Variants in MUCL1 observed in about 807,000 individuals in gnomAD.
MUCL1 encodes mucin like 1.
Under a neutral mutation model 9.2 loss-of-function variants are expected in MUCL1, and 11 were observed. That is an observed-to-expected ratio of 1.19 (90% CI 0.75 to 1.97). The LOEUF (loss-of-function observed/expected upper bound fraction) is 1.97. MUCL1 is among the 30% of genes most tolerant of loss of function. The probability of loss-of-function intolerance (pLI) is 0.00; values close to 1 mark genes in which losing one functional copy is unlikely to be tolerated. For synonymous variants in MUCL1, 48 were observed against 40.5 expected (o/e 1.19, Z -0.71); for missense variants, 144 against 110.9 (o/e 1.30, Z -1.34).
At chr12:54,845,337 C>T (rs1042194249) in intron 1 of MUCL1, among the ~76,000 whole-genome samples, 1 of 152,082 alleles carries the variant, frequency 6.6e-6, no homozygotes, top group South Asian at 2.1e-4. Flanking sequence ...GGCAAGGAGA[C>T]AGGAGGTAAC....
chr12:54,835,503 G>T (rs1034997118), upstream of MUCL1, among the ~76,000 whole-genome samples: 4 of 151,852 alleles, frequency 2.6e-5, no homozygotes, highest in Admixed American at 2.0e-4. Flanking sequence ...TTTCCCTGAT[G>T]ATTAGCAATG....
upstream of MUCL1, among the ~76,000 whole-genome samples, chr12:54,835,795 G>A (rs1008213659): frequency 6.6e-6 from 1 of 151,936 alleles, no homozygotes; most frequent in African/African-American, 2.4e-5. Context: ...AAGGGGCAAT[G>A]GATTTGATTG....
intron 1 of MUCL1, among the ~76,000 whole-genome samples, chr12:54,841,530 C>T (rs1959211847): frequency 1.3e-5 from 2 of 152,126 alleles, no homozygotes; most frequent in African/African-American, 4.8e-5. Context: ...TCAATAATAG[C>T]CATTCCACTA....
chr12:54,848,453 A>G (rs1011162307), intron 1 of MUCL1, among the ~76,000 whole-genome samples: 1 of 152,214 alleles, frequency 6.6e-6, no homozygotes, highest in Non-Finnish European at 1.5e-5. Flanking sequence ...TGTAGAAATT[A>G]TAATGAAAAC....
intron 1 of MUCL1, chr12:54,830,986 TG>T (rs1959184590): frequency 6.6e-6 from 1 of 152,184 alleles, no homozygotes; most frequent in Admixed American, 6.6e-5. Context: ...CAAATGTTGG[TG>T]AACAGATATC....
At chr12:54,851,744 G>A (rs1283989495), upstream of MUCL1, among the ~76,000 whole-genome samples, 2 of 152,152 alleles carry the variant, frequency 1.3e-5, no homozygotes, top group Non-Finnish European at 2.9e-5. Flanking sequence ...TGACATGATT[G>A]TATATCTAGA....
chr12:54,854,460 A>G (rs770585499), upstream of MUCL1: 482 of 694,530 alleles, frequency 6.9e-4, 2 homozygotes, highest in Non-Finnish European at 1.1e-3. Context: ...TCTGGTTGAC[A>G]GCTCCTGATT....
intron 1 of MUCL1, 37 bp downstream of exon 1, chr12:54,854,677 G>A (rs1184159390): frequency 6.4e-7 from 1 of 1,561,912 alleles, no homozygotes; most frequent in Admixed American, 1.7e-5. Flanking sequence ...AAGTTTTGTG[G>A]GAATATACAT....
intron 3 of MUCL1, among the ~76,000 whole-genome samples, chr12:54,857,122 A>G (rs1868306771): frequency 6.6e-6 from 1 of 152,086 alleles, no homozygotes; most frequent in Admixed American, 6.6e-5. Flanking sequence ...AAATATTGAC[A>G]TTTATTAAGG....
chr12:54,855,250 T>C (rs1868290451), intron 2 of MUCL1, 93 bp downstream of exon 2: 1 of 1,155,948 alleles, frequency 8.7e-7, no homozygotes, highest in Non-Finnish European at 1.3e-6. Context: ...GTGGATAGTC[T>C]TTGTTATAAG....
chr12:54,839,322 C>T, upstream of MUCL1: 1 of 698,190 alleles, frequency 1.4e-6, no homozygotes, highest in Non-Finnish European at 2.6e-6. Context: ...TCTCATTCTC[C>T]AGTGGCACAC....
intron 1 of MUCL1, among the ~76,000 whole-genome samples, chr12:54,848,666 G>A (rs1328279514): frequency 6.6e-6 from 1 of 152,134 alleles, no homozygotes; most frequent in South Asian, 2.1e-4. Flanking sequence ...AATTCAAGTT[G>A]TCAGTAAGCC....
intron 1 of MUCL1, among the ~76,000 whole-genome samples, chr12:54,840,737 A>G (rs993851828): frequency 5.3e-5 from 8 of 152,190 alleles, no homozygotes; most frequent in African/African-American, 1.9e-4. Context: ...GGCTGCTGGC[A>G]TAATGTTCCA....
chr12:54,834,684 T>G (rs1349428736), upstream of MUCL1, among the ~76,000 whole-genome samples: 1 of 152,028 alleles, frequency 6.6e-6, no homozygotes, highest in Non-Finnish European at 1.5e-5. Context: ...ATGAACTAAC[T>G]GTGTATCTCT....
At chr12:54,830,735 T>C (rs1195710922) in exon 1 of MUCL1, 2 of 152,252 alleles carry the variant, frequency 1.3e-5, no homozygotes, top group Non-Finnish European at 2.9e-5. Flanking sequence ...CAACAGTCAC[T>C]TGAACTATAG....
chr12:54,837,270 G>A (rs555492403), upstream of MUCL1, among the ~76,000 whole-genome samples: 113 of 152,076 alleles, frequency 7.4e-4, 1 homozygote, highest in African/African-American at 2.6e-3. Flanking sequence ...TCCAGAGTTA[G>A]GTGCAATATA....
chr12:54,835,368 C>A (rs182905372), upstream of MUCL1, among the ~76,000 whole-genome samples: 2 of 152,228 alleles, frequency 1.3e-5, no homozygotes, highest in Admixed American at 1.3e-4. Context: ...TTTACATTCC[C>A]ATCAGCAGTG....
At chr12:54,840,973 C>A (rs550690576) in intron 1 of MUCL1, among the ~76,000 whole-genome samples, 2 of 152,302 alleles carry the variant, frequency 1.3e-5, no homozygotes, top group East Asian at 1.9e-4. Context: ...ATAATTTGAC[C>A]AGTAGCTCCC....
intron 1 of MUCL1, among the ~76,000 whole-genome samples, chr12:54,843,300 G>A (rs1037837829): frequency 2.0e-5 from 3 of 152,110 alleles, no homozygotes; most frequent in African/African-American, 7.2e-5. Flanking sequence ...TTATATTTTT[G>A]TAAGAGCTTT....
Sources: allele counts gnomAD v4.1 joint callset (sites outside exome capture counted in the v4.1 genomes callset), GRCh38; gene constraint gnomAD v4.1.1; transcripts MANE v1.5; gene names NCBI Gene and HGNC (gene_info 2026-07-23, HGNC 2026-07-21).